Variants in RFT1 observed in about 807,000 individuals in gnomAD.
The protein encoded by RFT1 is RFT1 glycolipid translocator homolog.
Under a neutral mutation model 62.2 loss-of-function variants are expected in RFT1, and 43 were observed. The observed-to-expected ratio is 0.69, with a 90% confidence interval of 0.54 to 0.89. The LOEUF (loss-of-function observed/expected upper bound fraction) is 0.89, where lower values mean the gene tolerates loss of function less well. Ranked by LOEUF, RFT1 falls within the 40% of genes least tolerant of loss-of-function variation. RFT1 has a pLI of 0.00. For synonymous variants in RFT1, 262 were observed against 264.6 expected, an observed-to-expected ratio of 0.99 and a Z score of 0.10; for missense variants, 605 against 649.9, an observed-to-expected ratio of 0.93 and a Z score of 0.75.
chr3:53,106,750 G>C, intron 8 of RFT1, 69 bp downstream of exon 8: 6 of 1,147,002 alleles, frequency 5.2e-6, no homozygotes, highest in Non-Finnish European at 7.8e-6. Context: ...ATATATCAGA[G>C]AAAAATATTA....
At chr3:53,068,499 G>C in the RFT1 span, among the ~76,000 whole-genome samples, 1 of 152,210 alleles carries the variant, frequency 6.6e-6, no homozygotes, top group Non-Finnish European at 1.5e-5. Context: ...ACCCTGCAAG[G>C]TAGGCAGTAT....
chr3:53,097,342 T>C (rs909077494), intron 11 of RFT1, among the ~76,000 whole-genome samples: 6 of 152,240 alleles, frequency 3.9e-5, no homozygotes, highest in Non-Finnish European at 8.8e-5. Flanking sequence ...ACTGGAACTA[T>C]TGTGTTTTAT....
the RFT1 span, among the ~76,000 whole-genome samples, chr3:53,072,283 G>A: frequency 6.6e-6 from 1 of 152,134 alleles, no homozygotes; most frequent in African/African-American, 2.4e-5. Context: ...TCCTGCCCGG[G>A]CGGGAACCCT....
chr3:53,068,774 T>G, the RFT1 span, among the ~76,000 whole-genome samples: 1 of 152,236 alleles, frequency 6.6e-6, no homozygotes, highest in Non-Finnish European at 1.5e-5. Flanking sequence ...ACTTGGGATT[T>G]TTTTTTACTT....
At chr3:53,127,642 G>A (rs1426887386) in intron 1 of RFT1, among the ~76,000 whole-genome samples, 1 of 136,616 alleles carries the variant, frequency 7.3e-6, no homozygotes, top group Non-Finnish European at 1.5e-5. Context: ...GACAGAGCTA[G>A]ACTCCATCTT....
chr3:53,110,114 C>G (rs1332327863), intron 7 of RFT1, among the ~76,000 whole-genome samples: 1 of 152,162 alleles, frequency 6.6e-6, no homozygotes, highest in East Asian at 1.9e-4. Flanking sequence ...CATGTGTTGT[C>G]TGCAATCCAG....
At chr3:53,102,605 A>C (rs1701348776) in intron 10 of RFT1, among the ~76,000 whole-genome samples, 1 of 152,258 alleles carries the variant, frequency 6.6e-6, no homozygotes, top group African/African-American at 2.4e-5. Flanking sequence ...TAGAACACTT[A>C]CAAAGACCCT....
the RFT1 span, among the ~76,000 whole-genome samples, chr3:53,068,771 A>AT: frequency 9.9e-5 from 15 of 151,814 alleles, no homozygotes; most frequent in East Asian, 9.7e-4. Context: ...TCAACTTGGG[A>AT]TTTTTTTTTA....
In RFT1 at chr3:53,097,252, A is replaced by G. The variant is rs527270206; in HGVS notation, c.1208+2129T>C. 2.3e-3 allele frequency among the ~76,000 whole-genome samples: 350 copies of G among 152,306 alleles called. 2 individuals are homozygous for G. The highest frequency in any genetic ancestry group is 7.4e-3 in the African/African-American group (309 of 41,570). ...AAATTCACAGAGATTAAAAAAAAAAAATGCCAACGTCTGTGATGAGCCCAG... is the reference window on the plus strand; with the variant it reads ...AAATTCACAGAGATTAAAAAAAAAAGATGCCAACGTCTGTGATGAGCCCAG... On this transcript the variant is annotated intron_variant, in intron 11 of 12. Coordinates refer to ENST00000296292, the MANE Select transcript of RFT1 (RefSeq NM_052859.4).
At chr3:53,072,569 G>A in the RFT1 span, among the ~76,000 whole-genome samples, 1 of 152,196 alleles carries the variant, frequency 6.6e-6, no homozygotes, top group Admixed American at 6.5e-5. Flanking sequence ...GTAAGAAGGG[G>A]ACACTGACTT....
intron 10 of RFT1, chr3:53,103,225 T>C: frequency 1.0e-6 from 1 of 985,266 alleles, no homozygotes; most frequent in Non-Finnish European, 1.2e-6. Flanking sequence ...TATATTGAGA[T>C]GGGGCAGCAG....
chr3:53,073,811 C>A, the RFT1 span, among the ~76,000 whole-genome samples: 1 of 152,194 alleles, frequency 6.6e-6, no homozygotes, highest in African/African-American at 2.4e-5. Context: ...GAGCTCCCAA[C>A]AACCCTACCC....
chr3:53,085,176 C>G (rs374282517), downstream of RFT1, among the ~76,000 whole-genome samples: 2 of 152,242 alleles, frequency 1.3e-5, no homozygotes, highest in African/African-American at 2.4e-5. Flanking sequence ...GGGTCCTCCT[C>G]CTCTCACTGC....
chr3:53,122,273 G>T (rs1701990461), intron 4 of RFT1, 101 bp downstream of exon 4: 4 of 1,136,696 alleles, frequency 3.5e-6, no homozygotes, highest in Non-Finnish European at 5.3e-6. Context: ...TTAGGTGCAA[G>T]TCTGGAAAAA....
intron 2 of RFT1, among the ~76,000 whole-genome samples, chr3:53,124,967 G>C (rs1465502077): frequency 6.6e-6 from 1 of 152,152 alleles, no homozygotes; most frequent in Non-Finnish European, 1.5e-5. Context: ...GCAAAAGCCT[G>C]TCGTCTCAAA....
At chr3:53,119,770 T>C (rs1701913336) in intron 6 of RFT1, 114 bp downstream of exon 6, 2 of 1,020,606 alleles carry the variant, frequency 2.0e-6, no homozygotes, top group Admixed American at 2.3e-5. Context: ...TCCATAAATA[T>C]GAGCTATAAA....
At chr3:53,126,946 C>A (rs985134195) in intron 1 of RFT1, among the ~76,000 whole-genome samples, 2 of 152,208 alleles carry the variant, frequency 1.3e-5, no homozygotes, top group African/African-American at 2.4e-5. Flanking sequence ...CAATGGACTA[C>A]TGTGGTCTGA....
intron 6 of RFT1, among the ~76,000 whole-genome samples, chr3:53,114,944 C>T (rs985461292): frequency 1.3e-5 from 2 of 152,170 alleles, no homozygotes; most frequent in Non-Finnish European, 2.9e-5. Flanking sequence ...GGGCTACCAT[C>T]CTGTCCACTG....
At chr3:53,123,271 G>A (rs1172482137) in intron 3 of RFT1, among the ~76,000 whole-genome samples, 1 of 152,166 alleles carries the variant, frequency 6.6e-6, no homozygotes, top group Non-Finnish European at 1.5e-5. Context: ...ACTCAGAACT[G>A]AAGTCACATA....
Sources: gnomAD v4.1 joint callset for allele counts (sites outside exome capture counted in the v4.1 genomes callset) on GRCh38, gnomAD v4.1.1 for gene constraint, MANE v1.5 for transcripts, NCBI Gene and HGNC (gene_info 2026-07-23, HGNC 2026-07-21) for gene names.